The following IGF1R variants were observed in gnomAD, a reference collection of about 807,000 sequenced individuals.
IGF1R encodes insulin-like growth factor 1 receptor.
A neutral mutation model predicts 144.6 loss-of-function variants in IGF1R; 44 were observed. That is an observed-to-expected ratio of 0.30 (90% CI 0.24 to 0.39). The LOEUF is 0.39. Among genes scored for constraint, IGF1R ranks in the 10% least tolerant of loss-of-function variants. IGF1R has a pLI of 1.00. For synonymous variants in IGF1R, 795 were observed against 722.8 expected (o/e 1.10, Z -1.60); for missense variants, 1,355 against 1,833.7 (o/e 0.74, Z 4.77).
chr15:98,697,909 T>C (rs2053633731), intron 1 of IGF1R, among the ~76,000 whole-genome samples: 1 of 151,730 alleles, frequency 6.6e-6, no homozygotes, highest in South Asian at 2.1e-4. Flanking sequence ...GGCTAACTTT[T>C]GTATTGTTAG....
chr15:98,909,946 T>C (rs116642600), intron 6 of IGF1R, among the ~76,000 whole-genome samples: 308 of 152,322 alleles, frequency 2.0e-3, no homozygotes, highest in African/African-American at 6.8e-3. Context: ...AAATCGTCTT[T>C]TCACCTTTGG....
intron 19 of IGF1R, among the ~76,000 whole-genome samples, chr15:98,944,212 G>T (rs763890001): frequency 5.3e-5 from 8 of 152,128 alleles, no homozygotes; most frequent in Non-Finnish European, 1.2e-4. Context: ...CTATACAGCC[G>T]GGGAGAACAG....
chr15:98,751,250 G>C (rs143088397), intron 2 of IGF1R, among the ~76,000 whole-genome samples: 2 of 152,208 alleles, frequency 1.3e-5, no homozygotes, highest in East Asian at 3.9e-4. Context: ...ACCCAGGCTG[G>C]GGTGCAGTGG....
At chr15:98,783,845 G>T (rs950705497) in intron 2 of IGF1R, among the ~76,000 whole-genome samples, 13 of 151,840 alleles carry the variant, frequency 8.6e-5, no homozygotes, top group Non-Finnish European at 1.5e-4. Context: ...CACAAAGTGG[G>T]TTTATAGATA....
intron 2 of IGF1R, among the ~76,000 whole-genome samples, chr15:98,800,084 A>G (rs2141433359): frequency 6.6e-6 from 1 of 152,250 alleles, no homozygotes; most frequent in Middle Eastern, 3.4e-3. Context: ...AAAGTTTGGT[A>G]GCCTCTCGTT....
At chr15:98,895,635 A>G (rs767068878) in intron 3 of IGF1R, among the ~76,000 whole-genome samples, 5 of 152,184 alleles carry the variant, frequency 3.3e-5, no homozygotes, top group Non-Finnish European at 5.9e-5. Flanking sequence ...CAATAGGAAA[A>G]TACCAGAGAA....
At chr15:98,894,538 A>G (rs2014082594) in intron 3 of IGF1R, among the ~76,000 whole-genome samples, 1 of 152,234 alleles carries the variant, frequency 6.6e-6, no homozygotes, top group Non-Finnish European at 1.5e-5. Flanking sequence ...TCTCAAGGAC[A>G]TTATGCTCTG....
At chr15:98,663,612 T>TG (rs2141181366) in intron 1 of IGF1R, among the ~76,000 whole-genome samples, 1 of 152,318 alleles carries the variant, frequency 6.6e-6, no homozygotes, top group South Asian at 2.1e-4. Flanking sequence ...GTTCGTTTGC[T>TG]GGGGCACTGC....
intron 3 of IGF1R, among the ~76,000 whole-genome samples, chr15:98,894,016 T>C (rs1486565556): frequency 6.6e-6 from 1 of 152,244 alleles, no homozygotes; most frequent in Non-Finnish European, 1.5e-5. Flanking sequence ...TAGAAAAACA[T>C]TTTTTAAGTG....
At chr15:98,888,674 A>G (rs2013762172) in intron 2 of IGF1R, among the ~76,000 whole-genome samples, 1 of 152,206 alleles carries the variant, frequency 6.6e-6, no homozygotes, top group Admixed American at 6.5e-5. Context: ...GCCAATCCTT[A>G]TCAACAAAAT....
At chr15:98,742,031 G>A (rs956983872) in intron 2 of IGF1R, among the ~76,000 whole-genome samples, 2 of 152,190 alleles carry the variant, frequency 1.3e-5, no homozygotes, top group Admixed American at 1.3e-4. Flanking sequence ...AAGTCATTGT[G>A]AGGCAAGGGA....
At chr15:98,916,434 G>T in intron 9 of IGF1R, 1 of 567,550 alleles carries the variant, frequency 1.8e-6, no homozygotes, top group Non-Finnish European at 3.1e-6. Flanking sequence ...GCTAATTTTT[G>T]TATTTTTAGT....
chr15:98,650,219 C>G (rs1024670152), intron 1 of IGF1R, among the ~76,000 whole-genome samples: 2 of 152,110 alleles, frequency 1.3e-5, no homozygotes, highest in Non-Finnish European at 2.9e-5. Flanking sequence ...TGCGGAGAGG[C>G]CCCGAAGCCC....
At chr15:98,750,468 A>C (rs2054982653) in intron 2 of IGF1R, among the ~76,000 whole-genome samples, 1 of 152,140 alleles carries the variant, frequency 6.6e-6, no homozygotes, top group Admixed American at 6.5e-5. Flanking sequence ...CCACAGTCCA[A>C]ATCTTCTGAG....
intron 2 of IGF1R, among the ~76,000 whole-genome samples, chr15:98,716,209 T>C (rs2054111992): frequency 6.6e-6 from 1 of 152,182 alleles, no homozygotes; most frequent in African/African-American, 2.4e-5. Flanking sequence ...CTGTGCCGTT[T>C]CCTCAAACTC....
intron 1 of IGF1R, among the ~76,000 whole-genome samples, chr15:98,665,127 A>AT (rs1397606524): frequency 2.0e-5 from 3 of 151,952 alleles, no homozygotes; most frequent in Non-Finnish European, 4.4e-5. Flanking sequence ...TAATTTTTGT[A>AT]TTTTTAGTAG....
rs373397676 is a variant in IGF1R at position 98,863,117 on chromosome 15, G to A, written c.641-28208G>A. 8.4e-4 allele frequency among the ~76,000 whole-genome samples: 128 copies of A among 152,232 alleles called. 2 individuals carry two copies. The South Asian group carries it at 0.025, about 30-fold the overall frequency. On this transcript the variant is annotated intron_variant, in intron 2 of 20. Transcript: ENST00000650285. ...TTTTCTTTAGTCATTCACGAAGTTCGCACTTTTGGAGAACATGGGGCCAGT... is the reference window on the plus strand; with the variant it reads ...TTTTCTTTAGTCATTCACGAAGTTCACACTTTTGGAGAACATGGGGCCAGT...
chr15:98,719,530 T>C (rs1172151291), intron 2 of IGF1R, among the ~76,000 whole-genome samples: 1 of 152,180 alleles, frequency 6.6e-6, no homozygotes, highest in Admixed American at 6.5e-5. Flanking sequence ...GAGATGAACT[T>C]CTGGGTGTGC....
chr15:98,841,361 A>C (rs2011171409), intron 2 of IGF1R, among the ~76,000 whole-genome samples: 1 of 152,162 alleles, frequency 6.6e-6, no homozygotes, highest in Non-Finnish European at 1.5e-5. Flanking sequence ...CAATGTTCTC[A>C]TCTCTAAAGT....
Sources: gnomAD v4.1 joint callset for allele counts (sites outside exome capture counted in the v4.1 genomes callset) on GRCh38, gnomAD v4.1.1 for gene constraint, MANE v1.5 for transcripts, NCBI Gene and HGNC (gene_info 2026-07-23, HGNC 2026-07-21) for gene names.